CHN2: variants seen among roughly 807,000 people sequenced by gnomAD.
CHN2 encodes the protein chimerin 2.
In CHN2, 35 loss-of-function variants were observed where a neutral mutation model predicts 56.3. The observed-to-expected ratio is 0.62, with a 90% CI of 0.47 to 0.82. CHN2 has a LOEUF of 0.82. CHN2 is among the 40% of genes least tolerant of loss of function. The pLI is 0.00. For synonymous variants in CHN2, 210 were observed against 212.8 expected, an observed-to-expected ratio of 0.99 and a Z score of 0.12; for missense variants, 491 against 580.5, an observed-to-expected ratio of 0.85 and a Z score of 1.58.
intron 2 of CHN2, among the ~76,000 whole-genome samples, chr7:29,167,385 A>G (rs1038768020): frequency 6.6e-6 from 1 of 152,196 alleles, no homozygotes; most frequent in Non-Finnish European, 1.5e-5. Flanking sequence ...TATTCAAAAA[A>G]TTATCCACTA....
intron 1 of CHN2, among the ~76,000 whole-genome samples, chr7:29,267,638 A>G (rs982335064): frequency 1.7e-4 from 26 of 152,186 alleles, no homozygotes; most frequent in African/African-American, 6.3e-4. Flanking sequence ...AAAACCCAGA[A>G]CAAGGCACTA....
intron 9 of CHN2, among the ~76,000 whole-genome samples, chr7:29,501,992 A>G (rs1244664850): frequency 6.6e-6 from 1 of 152,180 alleles, no homozygotes; most frequent in South Asian, 2.1e-4. Context: ...ACTGTACCTC[A>G]TAAGGTGGTT....
At chr7:29,350,588 A>G (rs1797804763) in intron 1 of CHN2, among the ~76,000 whole-genome samples, 1 of 152,112 alleles carries the variant, frequency 6.6e-6, no homozygotes, top group Admixed American at 6.6e-5. Context: ...TTCCATGACA[A>G]CAGCCCTGGA....
At chr7:29,314,454 T>C (rs39119) in intron 1 of CHN2, among the ~76,000 whole-genome samples, 29,214 of 152,126 alleles carry the variant, frequency 0.19, 2,979 homozygotes, top group South Asian at 0.31. Context: ...GTTCTAAAGA[T>C]TGGTCTCACA....
intron 1 of CHN2, among the ~76,000 whole-genome samples, chr7:29,236,114 T>C (rs1362660538): frequency 6.6e-6 from 1 of 152,216 alleles, no homozygotes; most frequent in Non-Finnish European, 1.5e-5. Flanking sequence ...TTGTTTACTT[T>C]CTAGCAAATA....
At chr7:29,499,762 T>C (rs767163543) in intron 8 of CHN2, 105 bp from the exon 9 acceptor site, 51 of 1,032,712 alleles carry the variant, frequency 4.9e-5, no homozygotes, top group Non-Finnish European at 6.4e-5. Flanking sequence ...CAGAGAAATA[T>C]GTCAAACCCT....
At chr7:29,182,446 C>T (rs998450963) in intron 2 of CHN2, among the ~76,000 whole-genome samples, 4 of 152,118 alleles carry the variant, frequency 2.6e-5, no homozygotes, top group Non-Finnish European at 4.4e-5. Flanking sequence ...AAAAAGAAAA[C>T]GTAGAAAGTT....
intron 3 of CHN2, among the ~76,000 whole-genome samples, chr7:29,373,252 C>T (rs147746556): frequency 3.0e-4 from 46 of 151,818 alleles, no homozygotes; most frequent in Middle Eastern, 6.8e-3. Flanking sequence ...TCTTGACTCA[C>T]CGCAATCTCT....
At chr7:29,205,113 G>C (rs1312713734) in intron 1 of CHN2, among the ~76,000 whole-genome samples, 1 of 152,230 alleles carries the variant, frequency 6.6e-6, no homozygotes, top group East Asian at 1.9e-4. Flanking sequence ...ATAGCTGAGT[G>C]TAAATCTGTC....
chr7:29,215,032 T>C (rs1334088769), intron 1 of CHN2, among the ~76,000 whole-genome samples: 1 of 152,208 alleles, frequency 6.6e-6, no homozygotes, highest in Admixed American at 6.5e-5. Flanking sequence ...ACACCAGAAC[T>C]TCTTGGAAAC....
intron 2 of CHN2, among the ~76,000 whole-genome samples, chr7:29,363,560 C>G (rs1161691489): frequency 6.6e-6 from 1 of 152,176 alleles, no homozygotes. Context: ...CTGCAGTGCA[C>G]AGAACAACAT....
intron 1 of CHN2, among the ~76,000 whole-genome samples, chr7:29,203,024 C>A (rs947783628): frequency 6.6e-6 from 1 of 152,184 alleles, no homozygotes; most frequent in Non-Finnish European, 1.5e-5. Context: ...CATGTGGTTA[C>A]TGAGCCGTTG....
At chr7:29,149,563 G>A (rs925135406) in intron 2 of CHN2, among the ~76,000 whole-genome samples, 2 of 152,138 alleles carry the variant, frequency 1.3e-5, no homozygotes, top group South Asian at 4.1e-4. Flanking sequence ...TAGAACCATA[G>A]GACAGGAGTA....
chr7:29,185,710 C>T (rs1193312360), intron 2 of CHN2: 2 of 152,176 alleles, frequency 1.3e-5, no homozygotes, highest in Non-Finnish European at 2.9e-5. Context: ...TAAAAGCCTT[C>T]TGAGTGATTC....
intron 2 of CHN2, among the ~76,000 whole-genome samples, chr7:29,365,218 A>G (rs944385847): frequency 2.0e-5 from 3 of 152,224 alleles, no homozygotes; most frequent in African/African-American, 7.2e-5. Context: ...CTATTTCATA[A>G]AAACATTTGG....
chr7:29,192,374 G>GGGAGAAAGTAAAAAAAA (rs1284427892), upstream of CHN2: 7 of 152,208 alleles, frequency 4.6e-5, no homozygotes, highest in Non-Finnish European at 1.0e-4. Context: ...AAAACACTAT[G>GGGAGAAAGTAAAAAAAA]AAGGGAAATA....
chr7:29,252,574 C>CTTTTTTTT (rs150230689), intron 1 of CHN2, among the ~76,000 whole-genome samples: 14 of 19,278 alleles, frequency 7.3e-4, no homozygotes, highest in Non-Finnish European at 1.0e-3. Flanking sequence ...AAATTGCATT[C>CTTTTTTTT]TTTGTTTTTT....
intron 3 of CHN2, among the ~76,000 whole-genome samples, chr7:29,391,554 T>C (rs1425427239): frequency 6.6e-6 from 1 of 152,210 alleles, no homozygotes; most frequent in African/African-American, 2.4e-5. Context: ...TTCAGGGCTC[T>C]TCTTTTATTT....
intron 6 of CHN2, among the ~76,000 whole-genome samples, chr7:29,442,934 C>CTTTTTTTTTTTCTTTT (rs564931650): frequency 0.04 from 4,135 of 102,668 alleles, 345 homozygotes; most frequent in East Asian, 0.19. Context: ...CATTGAATTT[C>CTTTTTTTTTTTCTTTT]TTTTTTTTTT....
Sources: gnomAD v4.1 joint callset for allele counts (sites outside exome capture counted in the v4.1 genomes callset) on GRCh38, gnomAD v4.1.1 for gene constraint, MANE v1.5 for transcripts, NCBI Gene and HGNC (gene_info 2026-07-23, HGNC 2026-07-21) for gene names.